Variants in GPC6 observed in about 807,000 individuals in gnomAD.
The protein encoded by GPC6 is glypican 6.
GPC6 carries 14 observed loss-of-function variants against 55.2 expected under a neutral mutation model. The ratio of observed to expected loss-of-function variants is 0.25; its 90% CI spans 0.17 to 0.40. The LOEUF (loss-of-function observed/expected upper bound fraction) is 0.40. Ranked by LOEUF, GPC6 falls within the 10% of genes least tolerant of loss-of-function variation. The probability of loss-of-function intolerance (pLI) is 1.00; values close to 1 mark genes in which losing one functional copy is unlikely to be tolerated. For synonymous variants in GPC6, 278 were observed against 259.6 expected (o/e 1.07, Z -0.68); for missense variants, 641 against 708.5 (o/e 0.90, Z 1.08).
intron 3 of GPC6, among the ~76,000 whole-genome samples, chr13:93,890,213 A>G (rs566489473): frequency 3.2e-4 from 49 of 152,210 alleles, no homozygotes; most frequent in Non-Finnish European, 6.6e-4. Context: ...TTGCGCTGGA[A>G]CTAATCTCTT....
At chr13:94,246,984 A>G (rs1891216513) in intron 4 of GPC6, among the ~76,000 whole-genome samples, 1 of 152,106 alleles carries the variant, frequency 6.6e-6, no homozygotes, top group Non-Finnish European at 1.5e-5. Context: ...GTTCCAATCC[A>G]TGAGCATCGA....
At chr13:93,589,780 G>A (rs534979320) in intron 2 of GPC6, among the ~76,000 whole-genome samples, 1 of 152,132 alleles carries the variant, frequency 6.6e-6, no homozygotes, top group Admixed American at 6.5e-5. Context: ...TCCTGTTTCT[G>A]GTTATTCCAT....
intron 1 of GPC6, among the ~76,000 whole-genome samples, chr13:93,254,529 T>G (rs1876889904): frequency 6.6e-6 from 1 of 152,178 alleles, no homozygotes; most frequent in Non-Finnish European, 1.5e-5. Context: ...GTGCAACCAG[T>G]GGTTCCAGAT....
At chr13:93,801,277 T>C (rs1886358967) in intron 2 of GPC6, among the ~76,000 whole-genome samples, 1 of 152,308 alleles carries the variant, frequency 6.6e-6, no homozygotes, top group Non-Finnish European at 1.5e-5. Flanking sequence ...TTTCAGGCTG[T>C]ATGTATTTAA....
At chr13:93,438,171 G>T (rs994940625) in intron 1 of GPC6, among the ~76,000 whole-genome samples, 3 of 152,072 alleles carry the variant, frequency 2.0e-5, no homozygotes, top group African/African-American at 7.2e-5. Context: ...AATGCACCTG[G>T]TCACCCAAGA....
intron 1 of GPC6, among the ~76,000 whole-genome samples, chr13:93,264,265 G>A (rs1342620099): frequency 6.6e-6 from 1 of 152,140 alleles, no homozygotes; most frequent in Non-Finnish European, 1.5e-5. Context: ...TGAAAACAAA[G>A]TACAGATATC....
intron 4 of GPC6, among the ~76,000 whole-genome samples, chr13:94,096,574 T>G (rs1440417966): frequency 2.6e-5 from 4 of 152,174 alleles, no homozygotes; most frequent in African/African-American, 9.6e-5. Flanking sequence ...GAAATGAGAC[T>G]GAGAGGAGGA....
chr13:94,325,307 C>T (rs1330580775), intron 6 of GPC6, among the ~76,000 whole-genome samples: 1 of 152,164 alleles, frequency 6.6e-6, no homozygotes, highest in Non-Finnish European at 1.5e-5. Context: ...TTTGTGCTCA[C>T]TCCAAGGGGA....
chr13:93,977,164 C>T (rs545066015), intron 3 of GPC6, among the ~76,000 whole-genome samples: 2 of 152,166 alleles, frequency 1.3e-5, no homozygotes, highest in East Asian at 1.9e-4. Context: ...TTAGCCTTTC[C>T]TTAAAAGTGA....
intron 2 of GPC6, among the ~76,000 whole-genome samples, chr13:93,550,152 A>G (rs2139440565): frequency 6.6e-6 from 1 of 152,210 alleles, no homozygotes; most frequent in East Asian, 1.9e-4. Context: ...AAGATGTATT[A>G]TTATTATTAT....
intron 4 of GPC6, among the ~76,000 whole-genome samples, chr13:94,210,179 C>T (rs888142055): frequency 3.6e-5 from 5 of 137,804 alleles, no homozygotes; most frequent in African/African-American, 1.4e-4. Context: ...TTTTTTGAGA[C>T]AGAGTCTCGC....
chr13:93,999,845 A>C (rs1043034954), intron 3 of GPC6, among the ~76,000 whole-genome samples: 1 of 152,214 alleles, frequency 6.6e-6, no homozygotes. Context: ...CTGGGGTCTG[A>C]GAAAATAAAT....
At chr13:94,315,418 A>G (rs1876474147) in intron 6 of GPC6, among the ~76,000 whole-genome samples, 1 of 152,202 alleles carries the variant, frequency 6.6e-6, no homozygotes, top group Admixed American at 6.5e-5. Flanking sequence ...ATCCGGGGTG[A>G]CAGAGCAGCC....
At position 93,362,803 on chromosome 13, in the gene GPC6, A is replaced by G. The variant is rs536874955; in HGVS notation, c.160+135187A>G. The stretch of plus-strand genomic sequence containing the variant: ...ACTGTGGTACATTTTGTCCTAAATA[A>G]ATGTTTCTTAAAGGAGTACTCAAGT... On this transcript the variant is annotated intron_variant, in intron 1 of 8. Transcript: ENST00000377047. 2.9e-4 allele frequency among the ~76,000 whole-genome samples: 44 copies of G among 152,242 alleles called. No homozygotes were observed. The South Asian group carries it at 9.1e-3, about 32-fold the overall frequency.
intron 3 of GPC6, among the ~76,000 whole-genome samples, chr13:93,908,083 G>GGAGA (rs956502169): frequency 2.0e-5 from 3 of 151,852 alleles, no homozygotes; most frequent in African/African-American, 7.3e-5. Context: ...AATTAAAAAA[G>GGAGA]GAGAGAGAGA....
At chr13:93,899,052 G>C (rs1876193651) in intron 3 of GPC6, among the ~76,000 whole-genome samples, 1 of 150,656 alleles carries the variant, frequency 6.6e-6, no homozygotes. Context: ...CAACACCAGT[G>C]TTTCCCAGAC....
chr13:93,782,335 C>T (rs1253359415), intron 2 of GPC6, among the ~76,000 whole-genome samples: 2 of 152,136 alleles, frequency 1.3e-5, no homozygotes, highest in African/African-American at 2.4e-5. Flanking sequence ...TTCATCGTTA[C>T]TAGACACTTA....
intron 3 of GPC6, among the ~76,000 whole-genome samples, chr13:93,850,390 C>T (rs1423997292): frequency 3.3e-5 from 5 of 151,830 alleles, no homozygotes; most frequent in African/African-American, 1.2e-4. Flanking sequence ...CTCGGGAGAC[C>T]ATTGGTACAA....
At chr13:94,259,724 A>G (rs1440063438) in intron 4 of GPC6, among the ~76,000 whole-genome samples, 1 of 152,106 alleles carries the variant, frequency 6.6e-6, no homozygotes, top group Non-Finnish European at 1.5e-5. Flanking sequence ...GAATCTGCCT[A>G]TTCTAATTAC....
Sources: allele counts gnomAD v4.1 joint callset (sites outside exome capture counted in the v4.1 genomes callset), GRCh38; gene constraint gnomAD v4.1.1; transcripts MANE v1.5; gene names NCBI Gene and HGNC (gene_info 2026-07-23, HGNC 2026-07-21).